Variants in ZDHHC2 observed in about 807,000 individuals in gnomAD.
ZDHHC2 encodes the protein palmitoyltransferase ZDHHC2.
A neutral mutation model predicts 55.6 loss-of-function variants in ZDHHC2; 51 were observed. The observed-to-expected ratio is 0.92, with a 90% CI of 0.73 to 1.16. ZDHHC2 has a LOEUF of 1.16. Ranked by LOEUF, ZDHHC2 falls within the 50% of genes most tolerant of loss-of-function variation. ZDHHC2 has a pLI of 0.00. For missense variants in ZDHHC2, 491 were observed against 442.4 expected, an observed-to-expected ratio of 1.11 and a Z score of -0.99; for synonymous variants, 199 against 152.9, an observed-to-expected ratio of 1.30 and a Z score of -2.22.
chr8:17,203,467 C>T (rs950987093), intron 6 of ZDHHC2, among the ~76,000 whole-genome samples: 2 of 152,216 alleles, frequency 1.3e-5, no homozygotes, highest in African/African-American at 4.8e-5. Context: ...CTGCTGACCT[C>T]AGGCGATCTG....
chr8:17,203,920 G>A (rs1242899926), intron 6 of ZDHHC2, among the ~76,000 whole-genome samples: 1 of 150,158 alleles, frequency 6.7e-6, no homozygotes, highest in Non-Finnish European at 1.5e-5. Flanking sequence ...CGATTGTCCT[G>A]CCTCGGCCTC....
intron 6 of ZDHHC2, among the ~76,000 whole-genome samples, chr8:17,205,008 C>T (rs1001617038): frequency 3.9e-5 from 6 of 151,934 alleles, no homozygotes; most frequent in Admixed American, 3.3e-4. Flanking sequence ...TATTTAGAGC[C>T]GACTTTTGGA....
At chr8:17,217,034 C>A (rs1563172564) in intron 11 of ZDHHC2, 138 bp from the exon 12 acceptor site, 2 of 704,576 alleles carry the variant, frequency 2.8e-6, no homozygotes, top group East Asian at 5.8e-5. Flanking sequence ...TCTATATCAC[C>A]ATCTTATATA....
chr8:17,215,400 G>C, intron 11 of ZDHHC2, 51 bp downstream of exon 11: 1 of 1,442,638 alleles, frequency 6.9e-7, no homozygotes, highest in Admixed American at 2.0e-5. Flanking sequence ...TTTTTAGAAG[G>C]TAAACGTGGT....
chr8:17,200,950 T>C (rs978460704), intron 6 of ZDHHC2, among the ~76,000 whole-genome samples: 10 of 152,182 alleles, frequency 6.6e-5, no homozygotes, highest in Non-Finnish European at 1.2e-4. Flanking sequence ...TAGCTCTGAG[T>C]ACTCCCTTGC....
chr8:17,217,107 A>G, intron 11 of ZDHHC2, 65 bp from the exon 12 acceptor site: 3 of 1,516,498 alleles, frequency 2.0e-6, no homozygotes, highest in Non-Finnish European at 2.7e-6. Flanking sequence ...TCATAGATGA[A>G]TAAGAAGTTT....
chr8:17,221,652 C>G lies in ZDHHC2; in HGVS notation c.*1431C>G, dbSNP rs1353732268. ...TAAAAGATCATTGCAATTACTTATCCTTCCTAAAAATATAGTTTTATATTA... is the reference window on the plus strand; with the variant it reads ...TAAAAGATCATTGCAATTACTTATCGTTCCTAAAAATATAGTTTTATATTA... On this transcript the variant is annotated 3_prime_UTR_variant, in exon 13 of 13. Coordinates refer to ENST00000262096, the MANE Select transcript of ZDHHC2 (RefSeq NM_016353.5). The G allele has an allele frequency of 6.6e-6, 1 of 152,356 alleles. No individual in the cohort carries two copies. Among genetic ancestry groups the G allele is most frequent in the East Asian group, 1.9e-4 (1 of 5,202 alleles). The allele number at this position is 152,356 out of a possible 1,614,324, so 9.4% of individuals were successfully genotyped here.
chr8:17,180,293 C>T (rs1035911287), intron 1 of ZDHHC2, among the ~76,000 whole-genome samples: 3 of 152,236 alleles, frequency 2.0e-5, no homozygotes, highest in Admixed American at 2.0e-4. Context: ...CTCATCATTA[C>T]TCTGTGTTAA....
rs766484948 is a variant in ZDHHC2 at position 17,217,157 on chromosome 8, T to C, written c.1064-15T>C. The C allele has an allele frequency of 8.1e-6, 13 of 1,609,534 alleles. No homozygotes were observed. Among genetic ancestry groups the C allele is most frequent in the South Asian group, 4.4e-5 (4 of 90,472 alleles). ...AAAAGCAACCAAAAATGCTAACTTA[T>C]GTGCTTTCATTAAGGTATGAGCAAT... is the stretch of plus-strand genomic sequence containing the variant. On this transcript the variant is annotated splice_polypyrimidine_tract_variant and intron_variant, in intron 11 of 12. Coordinates refer to ENST00000262096, the MANE Select transcript of ZDHHC2 (RefSeq NM_016353.5).
intron 3 of ZDHHC2, among the ~76,000 whole-genome samples, chr8:17,191,122 C>T (rs531412725): frequency 7.5e-4 from 114 of 151,850 alleles, no homozygotes; most frequent in Non-Finnish European, 1.4e-3. Flanking sequence ...CCACCACGCC[C>T]GGCTATTTTT....
In ZDHHC2 at chr8:17,186,321, C is replaced by A; in HGVS notation, c.158-10C>A. 6.4e-7 allele frequency: 1 copy of A among 1,555,884 alleles called. No homozygotes were observed. The highest frequency in any genetic ancestry group is 8.8e-7 in the Non-Finnish European group (1 of 1,142,462). On this transcript the variant is annotated splice_polypyrimidine_tract_variant and intron_variant, in intron 2 of 12. Coordinates refer to ENST00000262096, the MANE Select transcript of ZDHHC2 (RefSeq NM_016353.5). ...ATATTATAATGATAATTATGTTTTT[C>A]TCATTTTAGTTGTGTGCCTGATGGC...
Position 17,220,993 on chromosome 8 carries a change from A to G in ZDHHC2, c.*772A>G, listed in dbSNP as rs895766472. On this transcript the variant is annotated 3_prime_UTR_variant, in exon 13 of 13. Coordinates refer to ENST00000262096, the MANE Select transcript of ZDHHC2 (RefSeq NM_016353.5). ...AATTGGGAGGAAATTTATGATAGCA[A>G]TTATGAAGATTGTTTTATGACATTC... is the stretch of plus-strand genomic sequence containing the variant. The G allele has an allele frequency of 2.0e-5, 3 of 152,214 alleles. No homozygotes were observed. The highest frequency in any genetic ancestry group is 1.3e-4 in the Admixed American group (2 of 15,268). The allele number at this position is 152,214 out of a possible 1,614,324, so 9.4% of individuals were successfully genotyped here. A position where few individuals can be genotyped will look rare whatever the true frequency, so the allele number is the denominator to read the frequency against.
intron 1 of ZDHHC2, chr8:17,157,299 G>C (rs1423726045): frequency 6.5e-6 from 1 of 153,810 alleles, no homozygotes; most frequent in Non-Finnish European, 1.4e-5. Flanking sequence ...ATCCCTTGCT[G>C]GTTGGCGTCA....
intron 3 of ZDHHC2, among the ~76,000 whole-genome samples, chr8:17,187,053 G>A (rs1452605624): frequency 1.3e-5 from 2 of 152,156 alleles, no homozygotes; most frequent in Non-Finnish European, 2.9e-5. Flanking sequence ...CATTGCTGAC[G>A]TCATTTCCAC....
At chr8:17,172,478 T>A (rs13264215) in intron 1 of ZDHHC2, among the ~76,000 whole-genome samples, 9,923 of 152,206 alleles carry the variant, frequency 0.065, 434 homozygotes, top group Middle Eastern at 0.18. Flanking sequence ...AAGTTTCAGG[T>A]ACGTTAGATG....
intron 6 of ZDHHC2, among the ~76,000 whole-genome samples, chr8:17,203,532 C>G (rs1806920288): frequency 6.6e-6 from 1 of 152,094 alleles, no homozygotes; most frequent in African/African-American, 2.4e-5. Flanking sequence ...CCACGCCCAC[C>G]CATATTGTCC....
At chr8:17,173,973 G>A (rs528229140) in intron 1 of ZDHHC2, among the ~76,000 whole-genome samples, 4 of 152,174 alleles carry the variant, frequency 2.6e-5, no homozygotes, top group South Asian at 4.2e-4. Context: ...GAGAGGCATC[G>A]AGGGAAAATG....
rs1212094539 is a variant in ZDHHC2 at position 17,221,975 on chromosome 8, G to C, written c.*1754G>C. ...ATGTATTAAGAATTATATGAAGTCA[G>C]GTTTGTTTTTTTTTTTTTTTTTTTT... On this transcript the variant is annotated 3_prime_UTR_variant, in exon 13 of 13. Coordinates refer to ENST00000262096, the MANE Select transcript of ZDHHC2 (RefSeq NM_016353.5). 7.6e-6 allele frequency: 1 copy of C among 131,132 alleles called. No homozygotes were observed. Among genetic ancestry groups the C allele is most frequent in the African/African-American group, 2.8e-5 (1 of 35,714 alleles). 8.1% of individuals were successfully genotyped at this position (131,132 alleles called of 1,614,324 possible).
intron 3 of ZDHHC2, among the ~76,000 whole-genome samples, chr8:17,192,023 G>C (rs1425965573): frequency 6.6e-6 from 1 of 152,106 alleles, no homozygotes; most frequent in Non-Finnish European, 1.5e-5. Context: ...TTGCTCTGTT[G>C]GCCAGGCTGG....
Sources: allele counts gnomAD v4.1 joint callset (sites outside exome capture counted in the v4.1 genomes callset), GRCh38; gene constraint gnomAD v4.1.1; transcripts MANE v1.5; gene names NCBI Gene and HGNC (gene_info 2026-07-23, HGNC 2026-07-21).